Variants in RB1 observed in about 807,000 individuals in gnomAD.
The protein encoded by RB1 is retinoblastoma-associated protein.
Under a neutral mutation model 135.4 loss-of-function variants are expected in RB1, and 18 were observed. That is an observed-to-expected ratio of 0.13 (90% CI 0.09 to 0.20). The LOEUF is 0.20. Among genes scored for constraint, RB1 ranks in the 10% least tolerant of loss-of-function variants. RB1 has a pLI of 1.00. For missense variants in RB1, 868 were observed against 1,110.0 expected (o/e 0.78, Z 3.10); for synonymous variants, 365 against 373.2 (o/e 0.98, Z 0.25).
intron 16 of RB1, 85 bp downstream of exon 16, chr13:48,380,326 G>A: frequency 8.9e-6 from 9 of 1,010,328 alleles, no homozygotes; most frequent in Non-Finnish European, 1.4e-5. Flanking sequence ...GAGAGGGATA[G>A]TGTGAGGTTA....
At chr13:48,472,114 T>C (rs1401644210) in intron 23 of RB1, among the ~76,000 whole-genome samples, 1 of 152,224 alleles carries the variant, frequency 6.6e-6, no homozygotes, top group Non-Finnish European at 1.5e-5. Context: ...TGAAACTGAC[T>C]TTATTTGTGT....
At chr13:48,370,498 A>G (rs1338817780) in intron 11 of RB1, among the ~76,000 whole-genome samples, 1 of 152,192 alleles carries the variant, frequency 6.6e-6, no homozygotes, top group East Asian at 1.9e-4. Context: ...GGTTCCCATG[A>G]CACCTCTTAG....
chr13:48,455,836 A>T (rs1327156214), intron 18 of RB1, among the ~76,000 whole-genome samples: 2 of 152,200 alleles, frequency 1.3e-5, no homozygotes, highest in Non-Finnish European at 2.9e-5. Context: ...CGCTAAAAAA[A>T]TTTTTAGAAG....
chr13:48,332,936 C>T, intron 2 of RB1: 1 of 397,388 alleles, frequency 2.5e-6, no homozygotes, highest in East Asian at 3.6e-5. Context: ...AGATTAGTAA[C>T]AATGACTAAG....
intron 2 of RB1, among the ~76,000 whole-genome samples, chr13:48,315,640 A>T (rs1952175028): frequency 6.6e-6 from 1 of 152,310 alleles, no homozygotes; most frequent in African/African-American, 2.4e-5. Context: ...CCTCTTAAGT[A>T]TGATGTTGGC....
chr13:48,431,006 G>A (rs1354007011), intron 17 of RB1, among the ~76,000 whole-genome samples: 1 of 152,096 alleles, frequency 6.6e-6, no homozygotes, highest in Non-Finnish European at 1.5e-5. Flanking sequence ...AGATAGGTTT[G>A]ACTAAATAAT....
In RB1 at chr13:48,342,082, G is replaced by A. The variant is rs76484582; in HGVS notation, c.265-517G>A. Among the ~76,000 whole-genome samples the A allele has an allele frequency of 6.2e-3, 938 of 151,832 alleles. 25 individuals are homozygous for A. The highest frequency in any genetic ancestry group is 0.05 in the East Asian group (258 of 5,184). ...AATTTCATTTAATTGTTACAAAATGGGGTACATATTCTTATTTTGATTTTA... is the reference window on the plus strand; with the variant it reads ...AATTTCATTTAATTGTTACAAAATGAGGTACATATTCTTATTTTGATTTTA... On this transcript the variant is annotated intron_variant, in intron 2 of 26. Coordinates refer to ENST00000267163, the MANE Select transcript of RB1 (RefSeq NM_000321.3).
intron 2 of RB1, among the ~76,000 whole-genome samples, chr13:48,321,170 G>T (rs1042841263): frequency 9.2e-5 from 14 of 152,144 alleles, no homozygotes; most frequent in African/African-American, 3.4e-4. Flanking sequence ...TCCCGCATCC[G>T]GGGGGAGGCG....
chr13:48,318,302 G>A (rs1952203550), intron 2 of RB1: 3 of 1,192,570 alleles, frequency 2.5e-6, no homozygotes, highest in Middle Eastern at 5.4e-4. Context: ...GCTCCAGGAA[G>A]TGCATCTGGG....
chr13:48,451,392 C>G (rs1487894445), intron 17 of RB1, among the ~76,000 whole-genome samples: 1 of 152,098 alleles, frequency 6.6e-6, no homozygotes, highest in East Asian at 1.9e-4. Flanking sequence ...TGGTTTTTGT[C>G]TTTAATTCTG....
chr13:48,434,565 AC>A (rs1949163108), intron 17 of RB1, among the ~76,000 whole-genome samples: 1 of 151,974 alleles, frequency 6.6e-6, no homozygotes, highest in African/African-American at 2.4e-5. Flanking sequence ...AGTCTCTTTA[AC>A]CCTACAGCCG....
At chr13:48,373,622 T>A (rs1403361529) in intron 12 of RB1, 130 bp downstream of exon 12, 19 of 606,606 alleles carry the variant, frequency 3.1e-5, no homozygotes, top group Non-Finnish European at 5.6e-5. Flanking sequence ...TAATCTTTTC[T>A]TGCTTTTTTA....
At chr13:48,436,540 G>T (rs1038493975) in intron 17 of RB1, among the ~76,000 whole-genome samples, 2 of 152,068 alleles carry the variant, frequency 1.3e-5, no homozygotes, top group African/African-American at 2.4e-5. Flanking sequence ...CTACTCGGGA[G>T]GCTGAGGCAG....
At chr13:48,343,926 G>C (rs779041796) in intron 3 of RB1, among the ~76,000 whole-genome samples, 4 of 152,092 alleles carry the variant, frequency 2.6e-5, no homozygotes. Context: ...TTCCCCTGCT[G>C]ATTAGCTGAA....
intron 13 of RB1, among the ~76,000 whole-genome samples, chr13:48,378,793 T>G (rs78839782): frequency 0.024 from 3,619 of 152,218 alleles, 156 homozygotes; most frequent in African/African-American, 0.083. Flanking sequence ...TGCACTACAT[T>G]ACACTAAACA....
At chr13:48,464,711 T>G (rs1046683345) in intron 21 of RB1, among the ~76,000 whole-genome samples, 2 of 152,200 alleles carry the variant, frequency 1.3e-5, no homozygotes, top group Non-Finnish European at 2.9e-5. Context: ...CTTCCCAGTC[T>G]ATATACTCTT....
rs780588550 is a variant in RB1 at position 48,307,297 on chromosome 13, C to T, written c.155C>T (p.Thr52Ile). 11 of 1,607,718 alleles carry T rather than the reference C, an allele frequency of 6.8e-6. No homozygotes were observed. The Admixed American group carries it at 1.7e-4, about 24-fold the overall frequency. ...TTTGGTAGGCTTGAGTTTGAAGAAA[C>T]AGAAGAACCTGATTTTACTGCATTA... is the stretch of plus-strand genomic sequence containing the variant. ...LPLVRLEFEE[T>I]EEPDFTALCQ... Residue 52 changes from threonine (T) to isoleucine (I), a missense_variant, in exon 2 of 27, where the codon ACA (threonine) becomes ATA (isoleucine). This residue lies in a region of RB1 where 641 missense variants were observed against 791.3 expected (regional missense o/e 0.81). Coordinates refer to ENST00000267163, the MANE Select transcript of RB1 (RefSeq NM_000321.3).
chr13:48,317,150 GAA>G, intron 2 of RB1: 1 of 786,274 alleles, frequency 1.3e-6, no homozygotes, highest in African/African-American at 1.8e-5. Flanking sequence ...GGGCCTCCCT[GAA>G]GGCAGAGAAG....
At chr13:48,343,179 T>G (rs889309639) in intron 3 of RB1, among the ~76,000 whole-genome samples, 3 of 152,158 alleles carry the variant, frequency 2.0e-5, no homozygotes, top group African/African-American at 7.2e-5. Context: ...GCTACAATAC[T>G]TGAACCAGTT....
Sources: gnomAD v4.1 joint callset for allele counts (sites outside exome capture counted in the v4.1 genomes callset) on GRCh38, gnomAD v4.1.1 for gene constraint, gnomAD v4.1.1 regional missense constraint, MANE v1.5 for transcripts, NCBI Gene and HGNC (gene_info 2026-07-23, HGNC 2026-07-21) for gene names.